FOXP2: variants seen among roughly 807,000 people sequenced by gnomAD.
FOXP2 encodes forkhead box protein P2.
In FOXP2, 12 loss-of-function variants were observed where a neutral mutation model predicts 115.8. That is an observed-to-expected ratio of 0.10 (90% CI 0.07 to 0.17). The LOEUF (loss-of-function observed/expected upper bound fraction) is 0.17. Ranked by LOEUF, FOXP2 falls within the 10% of genes least tolerant of loss-of-function variation. The pLI, the probability that FOXP2 is intolerant of heterozygous loss-of-function variation, is 1.00. For synonymous variants in FOXP2, 328 were observed against 297.7 expected, an observed-to-expected ratio of 1.10 and a Z score of -1.05; for missense variants, 629 against 843.5, an observed-to-expected ratio of 0.75 and a Z score of 3.15.
chr7:114,372,325 C>A (rs1310359341), intron 2 of FOXP2, among the ~76,000 whole-genome samples: 1 of 151,876 alleles, frequency 6.6e-6, no homozygotes, highest in South Asian at 2.1e-4. Context: ...ATAATGGGAA[C>A]AGTTTTTTCA....
At chr7:114,455,928 A>AT (rs1554397734) in intron 2 of FOXP2, among the ~76,000 whole-genome samples, 1 of 151,978 alleles carries the variant, frequency 6.6e-6, no homozygotes, top group Non-Finnish European at 1.5e-5. Flanking sequence ...CAGGCAATGT[A>AT]TTTTTTTGCA....
chr7:114,358,393 G>A (rs1183473557), intron 2 of FOXP2, among the ~76,000 whole-genome samples: 5 of 152,144 alleles, frequency 3.3e-5, no homozygotes, highest in Admixed American at 1.3e-4. Flanking sequence ...AGAGTGGGGC[G>A]CTGCTATAAG....
At chr7:114,303,023 C>T (rs1041507484) in intron 2 of FOXP2, among the ~76,000 whole-genome samples, 5 of 152,072 alleles carry the variant, frequency 3.3e-5, no homozygotes, top group African/African-American at 9.7e-5. Context: ...TGTGAGAGCC[C>T]GAGCAGATGA....
intron 3 of FOXP2, among the ~76,000 whole-genome samples, chr7:114,616,408 C>A (rs1803955089): frequency 2.0e-5 from 3 of 152,134 alleles, no homozygotes. Flanking sequence ...GGTGTTCTGG[C>A]TGCCTCTGCC....
At chr7:114,444,036 C>T (rs1282878181) in intron 2 of FOXP2, among the ~76,000 whole-genome samples, 1 of 152,092 alleles carries the variant, frequency 6.6e-6, no homozygotes, top group East Asian at 1.9e-4. Context: ...TACATTGCCA[C>T]CATACATTTT....
chr7:114,089,754 A>C (rs537884544), intron 1 of FOXP2, among the ~76,000 whole-genome samples: 1 of 152,042 alleles, frequency 6.6e-6, no homozygotes. Flanking sequence ...AAAGGTGAAC[A>C]TTATATGTAC....
At chr7:114,405,904 T>C (rs754385880) in intron 2 of FOXP2, among the ~76,000 whole-genome samples, 10 of 151,896 alleles carry the variant, frequency 6.6e-5, no homozygotes, top group Admixed American at 2.0e-4. Context: ...ACCTGTATAG[T>C]CTGTCATATG....
intron 7 of FOXP2, among the ~76,000 whole-genome samples, chr7:114,644,346 T>A (rs534554853): frequency 5.3e-5 from 8 of 152,232 alleles, no homozygotes; most frequent in African/African-American, 1.9e-4. Flanking sequence ...AAAATAAAGG[T>A]TTTTTTCACT....
intron 1 of FOXP2, among the ~76,000 whole-genome samples, chr7:114,184,589 C>A (rs902517590): frequency 6.6e-6 from 1 of 152,088 alleles, no homozygotes; most frequent in African/African-American, 2.4e-5. Context: ...AGGAAGGTAG[C>A]TCAGGGTGAG....
chr7:114,270,097 C>T (rs1162619316), intron 1 of FOXP2, among the ~76,000 whole-genome samples: 1 of 152,138 alleles, frequency 6.6e-6, no homozygotes, highest in Admixed American at 6.6e-5. Flanking sequence ...AATGAGCATT[C>T]TTTCACTTAA....
chr7:114,431,556 A>T (rs1202781519), intron 2 of FOXP2, among the ~76,000 whole-genome samples: 1 of 151,918 alleles, frequency 6.6e-6, no homozygotes, highest in South Asian at 2.1e-4. Flanking sequence ...TGGAATTTTT[A>T]TGTTAAGTTC....
intron 2 of FOXP2, among the ~76,000 whole-genome samples, chr7:114,383,997 C>T (rs1469611946): frequency 6.6e-6 from 1 of 152,116 alleles, no homozygotes; most frequent in Non-Finnish European, 1.5e-5. Context: ...GAAAGGGGTC[C>T]GGGCTGCTGG....
chr7:114,541,874 T>C (rs1341030031), intron 3 of FOXP2, among the ~76,000 whole-genome samples: 1 of 151,734 alleles, frequency 6.6e-6, no homozygotes, highest in East Asian at 1.9e-4. Context: ...AAGAAAGAAA[T>C]AGAACATTAA....
At chr7:114,137,517 G>T (rs945182580) in intron 1 of FOXP2, among the ~76,000 whole-genome samples, 1 of 152,050 alleles carries the variant, frequency 6.6e-6, no homozygotes, top group Non-Finnish European at 1.5e-5. Flanking sequence ...AGTGCTTTTG[G>T]TATCACTGTA....
chr7:114,377,451 T>C (rs1050888250), intron 2 of FOXP2, among the ~76,000 whole-genome samples: 4 of 152,270 alleles, frequency 2.6e-5, no homozygotes, highest in Middle Eastern at 6.8e-3. Context: ...AAAAAGGCAA[T>C]TGCTATCTCC....
intron 2 of FOXP2, among the ~76,000 whole-genome samples, chr7:114,518,502 T>C (rs571018340): frequency 1.2e-4 from 19 of 152,006 alleles, no homozygotes; most frequent in African/African-American, 4.3e-4. Context: ...GACCCAAAGA[T>C]TCTATAGAAT....
At chr7:114,435,338 G>T (rs1333096216) in intron 2 of FOXP2, among the ~76,000 whole-genome samples, 1 of 152,016 alleles carries the variant, frequency 6.6e-6, no homozygotes, top group Non-Finnish European at 1.5e-5. Flanking sequence ...GGCAGAAAAA[G>T]GGTAGAAAGA....
rs532333253 is a variant in FOXP2, at chr7:114,649,206, A to C, written c.1095-2997A>C. Reference sequence around the variant, plus strand: ...ACCAATAAGTAAAAAAAGAAACTTAATAAAGGTTTTGTAACAAGCATCTTC... The same window carrying C: ...ACCAATAAGTAAAAAAAGAAACTTACTAAAGGTTTTGTAACAAGCATCTTC... On this transcript the variant is annotated intron_variant, in intron 8 of 16. Transcript: ENST00000350908. Among the ~76,000 whole-genome samples, 4 of 152,236 alleles carry C rather than the reference A, an allele frequency of 2.6e-5. No individual in the cohort carries two copies. In the South Asian group the frequency reaches 8.3e-4, roughly 32 times the overall value.
rs1797146441 is a variant in FOXP2, at chr7:114,311,519, T to C, written c.-11+23410T>C. ...AAGCCACAAGATTACATTATTAAAT[T>C]GTCCCAAGAGTCCCCCAGTGCAAAC... On this transcript the variant is annotated intron_variant, in intron 2 of 17. Coordinates refer to the FOXP2 transcript ENST00000634411. Among the ~76,000 whole-genome samples the C allele has an allele frequency of 3.9e-5, 6 of 152,264 alleles. No individual in the cohort carries two copies. The South Asian group carries it at 1.2e-3, about 32-fold the overall frequency.
Sources: gnomAD v4.1 joint callset for allele counts (sites outside exome capture counted in the v4.1 genomes callset) on GRCh38, gnomAD v4.1.1 for gene constraint, MANE v1.5 for transcripts, NCBI Gene and HGNC (gene_info 2026-07-23, HGNC 2026-07-21) for gene names.